The following HFM1 variants were observed in gnomAD, a reference collection of about 807,000 sequenced individuals.
The protein encoded by HFM1 is probable ATP-dependent DNA helicase HFM1.
A neutral mutation model predicts 192.1 loss-of-function variants in HFM1; 169 were observed. The observed-to-expected ratio is 0.88, with a 90% CI of 0.78 to 1.00. HFM1 has a LOEUF of 1.00. Ranked by LOEUF, HFM1 falls within the 50% of genes least tolerant of loss-of-function variation. The pLI, the probability that HFM1 is intolerant of heterozygous loss-of-function variation, is 0.00. For synonymous variants in HFM1, 525 were observed against 537.8 expected, an observed-to-expected ratio of 0.98 and a Z score of 0.33; for missense variants, 1,661 against 1,668.0, an observed-to-expected ratio of 1.00 and a Z score of 0.07.
intron 4 of HFM1, 117 bp from the exon 5 acceptor site, chr1:91,385,951 C>G: frequency 1.3e-6 from 1 of 764,496 alleles, no homozygotes. Flanking sequence ...TTTACTCAAA[C>G]AAAAAAGCTA....
intron 1 of HFM1, among the ~76,000 whole-genome samples, chr1:91,404,231 G>A (rs1664616324): frequency 1.3e-5 from 2 of 152,208 alleles, no homozygotes; most frequent in Non-Finnish European, 2.9e-5. Context: ...GGTCCGGCTG[G>A]GGACCGAATC....
At chr1:91,373,235 G>A (rs1660477443) in intron 13 of HFM1, among the ~76,000 whole-genome samples, 1 of 151,942 alleles carries the variant, frequency 6.6e-6, no homozygotes, top group Non-Finnish European at 1.5e-5. Context: ...CAGAGGTGGT[G>A]GCAAAGGAAC....
chr1:91,330,478 AAAT>A (rs1025239557), intron 20 of HFM1, among the ~76,000 whole-genome samples: 3 of 152,154 alleles, frequency 2.0e-5, no homozygotes, highest in African/African-American at 7.2e-5. Flanking sequence ...CTGAACAGAA[AAAT>A]AATAAGTAAT....
chr1:91,400,577 C>T (rs989751975), intron 2 of HFM1, among the ~76,000 whole-genome samples: 1 of 151,648 alleles, frequency 6.6e-6, no homozygotes, highest in Non-Finnish European at 1.5e-5. Flanking sequence ...CGCCTCCGGG[C>T]TTCAAGCAAT....
At chr1:91,274,669 AC>A (rs1165663128) in intron 33 of HFM1, 60 bp downstream of exon 33, 2 of 795,164 alleles carry the variant, frequency 2.5e-6, no homozygotes, top group African/African-American at 3.5e-5. Flanking sequence ...ATAAGTGGTT[AC>A]CTGCAGGAAC....
chr1:91,294,334 T>C (rs1417792577), intron 30 of HFM1, among the ~76,000 whole-genome samples: 1 of 152,180 alleles, frequency 6.6e-6, no homozygotes, highest in Non-Finnish European at 1.5e-5. Context: ...CCATGAGAGT[T>C]AGTAGTGCTT....
intron 13 of HFM1, among the ~76,000 whole-genome samples, chr1:91,372,450 A>G (rs1660355343): frequency 6.6e-6 from 1 of 152,216 alleles, no homozygotes; most frequent in Admixed American, 6.5e-5. Flanking sequence ...ACATGGATGA[A>G]CCTGGAAACT....
In HFM1 at chr1:91,351,460, C is replaced by T. The variant is rs982425905; in HGVS notation, c.2072+89G>A. 8.4e-6 allele frequency: 6 copies of T among 715,354 alleles called. No individual in the cohort carries two copies. In the East Asian group the frequency reaches 1.2e-4, roughly 14 times the overall value. 44.3% of individuals were successfully genotyped at this position (715,354 alleles called of 1,614,324 possible). A position where few individuals can be genotyped will look rare whatever the true frequency, so the allele number is the denominator to read the frequency against. ...ACAGAAAATTGCCTTAAAAAAATCT[C>T]CAAACCAAATTTCCCTTTGATATTT... is the stretch of plus-strand genomic sequence containing the variant. On this transcript the variant is annotated intron_variant, in intron 17 of 38. Transcript: ENST00000370425.
At chr1:91,386,982 C>T (rs1265495768) in intron 4 of HFM1, among the ~76,000 whole-genome samples, 3 of 152,168 alleles carry the variant, frequency 2.0e-5, no homozygotes, top group African/African-American at 7.2e-5. Context: ...TACTTCTCTG[C>T]AAAGTTCTAA....
chr1:91,377,039 C>A (rs1660987044), intron 11 of HFM1, among the ~76,000 whole-genome samples: 1 of 150,744 alleles, frequency 6.6e-6, no homozygotes, highest in South Asian at 2.1e-4. Flanking sequence ...AATAAAACCA[C>A]AAAAATAGTA....
intron 13 of HFM1, among the ~76,000 whole-genome samples, chr1:91,374,998 TC>T (rs1660731458): frequency 6.6e-6 from 1 of 152,018 alleles, no homozygotes; most frequent in African/African-American, 2.4e-5. Flanking sequence ...GTAGAAATGA[TC>T]ATGGAAGCAC....
At position 91,404,830 on chromosome 1, in the gene HFM1, G is replaced by A. The variant is rs1374696818; in HGVS notation, c.-60C>T. The A allele has an allele frequency of 8.8e-6, 4 of 455,494 alleles. No homozygotes were observed. The highest frequency in any genetic ancestry group is 1.8e-5 in the Non-Finnish European group (4 of 226,658). 28.2% of individuals were successfully genotyped at this position (455,494 alleles called of 1,614,324 possible). On this transcript the variant is annotated 5_prime_UTR_variant, in exon 1 of 39. Coordinates refer to ENST00000370425, the MANE Select transcript of HFM1 (RefSeq NM_001017975.6). ...CGGACAGCTCCTAGGCCAGTCGAGC[G>A]CCGATTTATCAGCCCCTCTGAGGAC...
At chr1:91,303,521 T>G (rs1161316325) in intron 30 of HFM1, among the ~76,000 whole-genome samples, 1 of 152,230 alleles carries the variant, frequency 6.6e-6, no homozygotes, top group Non-Finnish European at 1.5e-5. Context: ...CTTTTGGATA[T>G]ACACCTAGGA....
intron 23 of HFM1, among the ~76,000 whole-genome samples, chr1:91,322,362 T>C (rs1652245565): frequency 1.3e-5 from 2 of 152,190 alleles, no homozygotes; most frequent in African/African-American, 4.8e-5. Context: ...CACCTTAAAT[T>C]ACATAACACT....
At chr1:91,350,642 A>G in intron 18 of HFM1, 96 bp downstream of exon 18, 2 of 1,103,564 alleles carry the variant, frequency 1.8e-6, no homozygotes, top group Non-Finnish European at 2.6e-6. Flanking sequence ...GTTACCTATT[A>G]GTTTCTGTAA....
chr1:91,308,629 C>G (rs1444558942), intron 30 of HFM1, among the ~76,000 whole-genome samples: 1 of 152,234 alleles, frequency 6.6e-6, no homozygotes, highest in East Asian at 1.9e-4. Context: ...CCTCAAACTC[C>G]TGGGCTCAAG....
intron 30 of HFM1, among the ~76,000 whole-genome samples, chr1:91,296,362 C>G (rs542644904): frequency 7.9e-5 from 12 of 152,294 alleles, no homozygotes; most frequent in Middle Eastern, 3.4e-3. Context: ...GGACTCTAGT[C>G]CATTCCACTG....
At chr1:91,380,070 A>G in intron 8 of HFM1, 34 bp downstream of exon 8, 2 of 985,792 alleles carry the variant, frequency 2.0e-6, no homozygotes, top group Non-Finnish European at 2.8e-6. Flanking sequence ...TTTCATTATT[A>G]TAATTAGTCA....
intron 3 of HFM1, among the ~76,000 whole-genome samples, chr1:91,395,034 A>C (rs1213565702): frequency 6.6e-6 from 1 of 151,282 alleles, no homozygotes. Flanking sequence ...TATATATATA[A>C]CATATATGTA....
Sources: allele counts gnomAD v4.1 joint callset (sites outside exome capture counted in the v4.1 genomes callset), GRCh38; gene constraint gnomAD v4.1.1; transcripts MANE v1.5; gene names NCBI Gene and HGNC (gene_info 2026-07-23, HGNC 2026-07-21).